The following WHRN variants were observed in gnomAD, a reference collection of about 807,000 sequenced individuals.
WHRN encodes CASK-interacting protein CIP98.
In WHRN, 41 loss-of-function variants were observed where a neutral mutation model predicts 68.3. The ratio of observed to expected loss-of-function variants is 0.60; its 90% CI spans 0.47 to 0.78. The LOEUF (loss-of-function observed/expected upper bound fraction) is 0.78. WHRN is among the 30% of genes least tolerant of loss of function. The pLI is 0.00. For missense variants in WHRN, 1,243 were observed against 1,244.7 expected (o/e 1.00, Z 0.02); for synonymous variants, 560 against 561.3 (o/e 1.00, Z 0.03).
intron 3 of WHRN, among the ~76,000 whole-genome samples, chr9:114,457,914 C>T (rs1388786380): frequency 2.8e-4 from 35 of 123,372 alleles, no homozygotes; most frequent in South Asian, 5.2e-4. Flanking sequence ...AGACTCTGTT[C>T]AAAAAAAAAA....
At chr9:114,440,024 T>C (rs1838232548) in intron 3 of WHRN, among the ~76,000 whole-genome samples, 1 of 152,220 alleles carries the variant, frequency 6.6e-6, no homozygotes, top group Non-Finnish European at 1.5e-5. Context: ...GCGATTCTCC[T>C]GCCTCAGCCT....
intron 1 of WHRN, among the ~76,000 whole-genome samples, chr9:114,481,970 G>A (rs1019517783): frequency 2.6e-5 from 4 of 152,122 alleles, no homozygotes; most frequent in East Asian, 3.8e-4. Context: ...CATGACACAC[G>A]CCTGGTGAGA....
Position 114,504,418 on chromosome 9 carries a change from GC to G in WHRN, c.383del (p.Gly128AlafsTer14). On this transcript the variant is annotated frameshift_variant, in exon 1 of 12. Transcript: ENST00000362057. LOFTEE classifies it high-confidence loss of function. ...ATTPYRQPAW[G>X]GPDSAGPGEV... is the part of the protein sequence containing the mutation. Reference sequence around the variant, plus strand: ...CCCCTGGCCCCGCGCTGTCGGGGCCGCCCCAGGCGGGCTGCCTGTAGGGGGT... The same window carrying G: ...CCCCTGGCCCCGCGCTGTCGGGGCCGCCCAGGCGGGCTGCCTGTAGGGGGT... 1.2e-6 allele frequency: 2 copies of G among 1,606,038 alleles called. No individual in the cohort carries two copies. The highest frequency in any genetic ancestry group is 1.3e-5 in the African/African-American group (1 of 75,040).
rs375019182 is a variant in WHRN, at chr9:114,403,883, C to T, written c.2418+13G>A. Reference sequence around the variant, plus strand: ...TCCTCTCAGCCCTCTGCATCCTCCTCCTCCTGGCTCACCGGTTTGTTGGCC... The same window carrying T: ...TCCTCTCAGCCCTCTGCATCCTCCTTCTCCTGGCTCACCGGTTTGTTGGCC... On this transcript the variant is annotated intron_variant, in intron 10 of 11. Coordinates refer to ENST00000362057, the MANE Select transcript of WHRN (RefSeq NM_015404.4). The T allele has an allele frequency of 7.5e-6, 12 of 1,609,818 alleles. No homozygotes were observed. Among genetic ancestry groups the T allele is most frequent in the Non-Finnish European group, 1.0e-5 (12 of 1,180,012 alleles).
intron 9 of WHRN, among the ~76,000 whole-genome samples, chr9:114,404,990 T>G (rs1185955016): frequency 4.0e-5 from 6 of 151,518 alleles, no homozygotes; most frequent in African/African-American, 7.3e-5. Context: ...GCAGGGGCCA[T>G]GCAGAGGTTC....
At chr9:114,416,243 TC>T (rs1835809730) in intron 7 of WHRN, among the ~76,000 whole-genome samples, 1 of 152,154 alleles carries the variant, frequency 6.6e-6, no homozygotes, top group South Asian at 2.1e-4. Context: ...TGAGGTCAAG[TC>T]CAGGGCAAAT....
intron 2 of WHRN, among the ~76,000 whole-genome samples, chr9:114,471,615 C>A (rs1841228934): frequency 6.6e-6 from 1 of 152,264 alleles, no homozygotes; most frequent in Non-Finnish European, 1.5e-5. Flanking sequence ...TGTGGCCAAG[C>A]CAGCAGCCAT....
rs1305181689 is a variant in WHRN, at chr9:114,504,876, C to T, written c.-75G>A. On this transcript the variant is annotated 5_prime_UTR_variant, in exon 1 of 12. Transcript: ENST00000362057. ...GCCGCTGTCCTCGCGGGTACTGGCG[C>T]GACAGCTGGATCCCCGGGAGCGCGG... The T allele has an allele frequency of 7.5e-7, 1 of 1,332,206 alleles. No individual in the cohort carries two copies. Among genetic ancestry groups the T allele is most frequent in the Non-Finnish European group, 9.5e-7 (1 of 1,050,320 alleles). 82.5% of individuals were successfully genotyped at this position (1,332,206 alleles called of 1,614,324 possible).
intron 3 of WHRN, among the ~76,000 whole-genome samples, chr9:114,437,889 G>T (rs1307118018): frequency 1.3e-5 from 2 of 152,092 alleles, no homozygotes; most frequent in African/African-American, 4.8e-5. Context: ...AATATTTAAG[G>T]AATTCTTAAG....
chr9:114,480,469 T>C (rs1045099366), intron 1 of WHRN, among the ~76,000 whole-genome samples: 1 of 108,768 alleles, frequency 9.2e-6, no homozygotes. Flanking sequence ...ATGGGATCAG[T>C]AGCTTTGTAG....
intron 7 of WHRN, among the ~76,000 whole-genome samples, chr9:114,410,185 G>A (rs375183593): frequency 3.3e-5 from 5 of 152,032 alleles, no homozygotes; most frequent in South Asian, 2.1e-4. Context: ...TGTCTATCCC[G>A]TTCCTGCTTT....
chr9:114,415,201 T>C (rs1254688118), intron 7 of WHRN, among the ~76,000 whole-genome samples: 1 of 151,652 alleles, frequency 6.6e-6, no homozygotes, highest in African/African-American at 2.4e-5. Flanking sequence ...CTCAGGAGGC[T>C]GAGGTGGGAG....
At chr9:114,490,556 T>C (rs959234715) in intron 1 of WHRN, among the ~76,000 whole-genome samples, 2 of 18,332 alleles carry the variant, frequency 1.1e-4, no homozygotes, top group Non-Finnish European at 2.9e-4. Flanking sequence ...CAACTGTTCA[T>C]TCCTTCCACC....
intron 3 of WHRN, among the ~76,000 whole-genome samples, chr9:114,444,523 G>C (rs372181161): frequency 2.0e-5 from 3 of 151,680 alleles, no homozygotes; most frequent in East Asian, 3.9e-4. Context: ...ACAGTAAAAA[G>C]GGGGGTATAT....
intron 2 of WHRN, among the ~76,000 whole-genome samples, chr9:114,475,593 T>A (rs986227375): frequency 1.3e-5 from 2 of 152,200 alleles, no homozygotes; most frequent in African/African-American, 4.8e-5. Flanking sequence ...ACTATTGCCC[T>A]GAGAACCCAC....
chr9:114,435,386 T>C (rs1404752603), intron 3 of WHRN, among the ~76,000 whole-genome samples: 1 of 152,230 alleles, frequency 6.6e-6, no homozygotes, highest in Non-Finnish European at 1.5e-5. Flanking sequence ...TATGTAAAGG[T>C]TGCATTTGAC....
intron 1 of WHRN, among the ~76,000 whole-genome samples, chr9:114,489,693 C>T (rs1324789710): frequency 6.6e-6 from 1 of 152,194 alleles, no homozygotes; most frequent in Non-Finnish European, 1.5e-5. Context: ...GGTTAAACTA[C>T]ACCATTCACA....
chr9:114,455,909 C>T lies in WHRN; in HGVS notation c.963+10358G>A, dbSNP rs577347490. ...GAGCCTAGCCTGCCTTAAATCAGAA[C>T]ACTTACATTAGTCTACAGTTGGGCA... On this transcript the variant is annotated intron_variant, in intron 3 of 11. Transcript: ENST00000362057. Among the ~76,000 whole-genome samples, 4 of 152,204 alleles carry T rather than the reference C, an allele frequency of 2.6e-5. No individual in the cohort carries two copies. In the East Asian group the frequency reaches 7.7e-4, roughly 29 times the overall value.
chr9:114,503,006 T>G, intron 1 of WHRN: 1 of 474,392 alleles, frequency 2.1e-6, no homozygotes, highest in Non-Finnish European at 2.8e-6. Flanking sequence ...AAGAAGTTTC[T>G]GAAAGCCTCA....
Sources: gnomAD v4.1 joint callset for allele counts (sites outside exome capture counted in the v4.1 genomes callset) on GRCh38, gnomAD v4.1.1 for gene constraint, MANE v1.5 for transcripts, NCBI Gene and HGNC (gene_info 2026-07-23, HGNC 2026-07-21) for gene names.